The following TADA1 variants were observed in gnomAD, a reference collection of about 807,000 sequenced individuals.
TADA1 encodes the protein transcriptional adaptor 1, also known as transcriptional adapter 1.
In TADA1, 23 loss-of-function variants were observed where a neutral mutation model predicts 39.3. That is an observed-to-expected ratio of 0.58 (90% CI 0.42 to 0.83). The LOEUF is 0.83. TADA1 is among the 40% of genes least tolerant of loss of function. TADA1 has a pLI of 0.00. For synonymous variants in TADA1, 137 were observed against 151.8 expected, an observed-to-expected ratio of 0.90 and a Z score of 0.72; for missense variants, 352 against 408.1, an observed-to-expected ratio of 0.86 and a Z score of 1.18.
intron 1 of TADA1, among the ~76,000 whole-genome samples, chr1:166,874,202 G>A (rs1294294032): frequency 3.3e-5 from 5 of 151,764 alleles, no homozygotes; most frequent in African/African-American, 9.7e-5. Flanking sequence ...TTAGCCGGGC[G>A]TGGTGGCAGG....
In TADA1 at chr1:166,862,659, A is replaced by T. The variant is rs1402395515; in HGVS notation, c.331-247T>A. 3 of 535,092 alleles carry T rather than the reference A, an allele frequency of 5.6e-6. No homozygotes were observed. The African/African-American group carries it at 5.7e-5, about 10-fold the overall frequency. The allele number at this position is 535,092 out of a possible 1,614,324, so 33.1% of individuals were successfully genotyped here. ...CGTAGTAGTTTATTCTATTCAATTA[A>T]TACCTTGGTGATCACAGAATGTATG... On this transcript the variant is annotated intron_variant, in intron 4 of 7. Transcript: ENST00000367874.
chr1:166,874,756 T>G (rs777584465), intron 1 of TADA1, among the ~76,000 whole-genome samples: 1 of 152,230 alleles, frequency 6.6e-6, no homozygotes, highest in Non-Finnish European at 1.5e-5. Context: ...TACTTCGGCC[T>G]CTGCCACAGA....
intron 1 of TADA1, 117 bp from the exon 2 acceptor site, chr1:166,869,971 A>C (rs1247998445): frequency 1.3e-6 from 1 of 792,098 alleles, no homozygotes; most frequent in Non-Finnish European, 2.1e-6. Flanking sequence ...GCTGGAGTGC[A>C]GGGGAACAAT....
chr1:166,861,734 T>C (rs1658419976), intron 5 of TADA1, among the ~76,000 whole-genome samples: 1 of 152,186 alleles, frequency 6.6e-6, no homozygotes, highest in Non-Finnish European at 1.5e-5. Context: ...ACTATTTGGA[T>C]TATAATGAGT....
chr1:166,858,228 G>T lies in TADA1; in HGVS notation c.746C>A (p.Pro249His), dbSNP rs757031011. Residue 249 changes from proline (P) to histidine (H), a missense_variant, in exon 7 of 8, where the codon CCC (proline) becomes CAC (histidine). This residue lies in a region of TADA1 where 285 missense variants were observed against 310.9 expected (regional missense o/e 0.92). Transcript: ENST00000367874. ...AGCCTGCTGCTCAGCATCATCAGGG[G>T]GTGGGTGAGAAGCTGGATTCTGACC... is the stretch of plus-strand genomic sequence containing the variant. ...CAGQNPASHP[P>H]PDDAEQQAAL... 12 of 1,610,516 alleles carry T rather than the reference G, an allele frequency of 7.5e-6. No homozygotes were observed. The East Asian group carries it at 2.5e-4, about 33-fold the overall frequency.
intron 3 of TADA1, among the ~76,000 whole-genome samples, chr1:166,864,238 G>A (rs1658479017): frequency 1.3e-5 from 2 of 152,162 alleles, no homozygotes; most frequent in African/African-American, 4.8e-5. Flanking sequence ...GGTCTAAGAT[G>A]ATGAACTGAG....
At chr1:166,873,239 C>T (rs571250107) in intron 1 of TADA1, among the ~76,000 whole-genome samples, 3 of 152,234 alleles carry the variant, frequency 2.0e-5, no homozygotes, top group African/African-American at 7.2e-5. Context: ...CCACTGCACT[C>T]CAGCCTGGGT....
At chr1:166,875,010 AAT>A (rs1658732735) in intron 1 of TADA1, among the ~76,000 whole-genome samples, 1 of 152,214 alleles carries the variant, frequency 6.6e-6, no homozygotes, top group South Asian at 2.1e-4. Flanking sequence ...TCAATCCAGT[AAT>A]AATAAAGAAC....
At position 166,875,507 on chromosome 1, in the gene TADA1, T is replaced by C. The variant is rs139683716; in HGVS notation, c.74+653A>G. On this transcript the variant is annotated intron_variant, in intron 1 of 7. Coordinates refer to ENST00000367874, the MANE Select transcript of TADA1 (RefSeq NM_053053.4). ...TTGTCCGCACTAGGTCTCAGTCTTC[T>C]CATCTGTCAAATGGGAATAACAACT... Among the ~76,000 whole-genome samples the C allele has an allele frequency of 2.7e-3, 406 of 152,336 alleles. 6 individuals are homozygous for C. Among genetic ancestry groups the C allele is most frequent in the Non-Finnish European group, 1.0e-3 (70 of 68,030 alleles).
chr1:166,858,378 T>C (rs569862971), intron 6 of TADA1, 97 bp from the exon 7 acceptor site: 130 of 942,684 alleles, frequency 1.4e-4, no homozygotes, highest in Non-Finnish European at 1.7e-4. Context: ...AAATCTTTAA[T>C]TGAATTAGAA....
Position 166,858,275 on chromosome 1 carries a change from T to C in TADA1, c.699A>G (p.Pro233=). The C allele has an allele frequency of 6.5e-7, 1 of 1,546,200 alleles. No homozygotes were observed. Among genetic ancestry groups the C allele is most frequent in the Admixed American group, 2.2e-5 (1 of 45,860 alleles). Residue 233 remains proline, a synonymous_variant, in exon 7 of 8, where the codon CCA becomes CCG. Coordinates refer to ENST00000367874, the MANE Select transcript of TADA1 (RefSeq NM_053053.4). The stretch of plus-strand genomic sequence containing the variant: ...GACCAGCACAGGGAGCAGTAAAAGC[T>C]GGAGGGCTGAAAATAAAAATTTCAG... ...VAYNNLIESP[P]AFTAPCAGQN...
chr1:166,871,586 C>T (rs1658662404), intron 1 of TADA1, among the ~76,000 whole-genome samples: 2 of 152,020 alleles, frequency 1.3e-5, no homozygotes, highest in Admixed American at 6.6e-5. Context: ...TCTTAAGTGG[C>T]CCAAAACCCA....
At chr1:166,866,899 C>A in intron 3 of TADA1, among the ~76,000 whole-genome samples, 1 of 152,054 alleles carries the variant, frequency 6.6e-6, no homozygotes, top group African/African-American at 2.4e-5. Flanking sequence ...TGCCTACCAC[C>A]ATGCCTGGCT....
At chr1:166,863,775 G>T (rs763580123) in intron 4 of TADA1, 49 bp downstream of exon 4, 4 of 1,517,640 alleles carry the variant, frequency 2.6e-6, no homozygotes, top group East Asian at 4.5e-5. Context: ...GTCCCAACAT[G>T]CCACTACTTC....
intron 1 of TADA1, among the ~76,000 whole-genome samples, chr1:166,874,229 T>C (rs776983832): frequency 2.8e-4 from 43 of 151,584 alleles, no homozygotes; most frequent in Middle Eastern, 6.8e-3. Flanking sequence ...TAATCCCAGC[T>C]ACTCAGGAGG....
At chr1:166,870,253 G>A (rs1658628278) in intron 1 of TADA1, among the ~76,000 whole-genome samples, 1 of 152,168 alleles carries the variant, frequency 6.6e-6, no homozygotes, top group Non-Finnish European at 1.5e-5. Context: ...CCATTAGGGT[G>A]GGCCCTAATC....
rs769985322 is a variant in TADA1 at position 166,869,845 on chromosome 1, A to T, written c.84T>A (p.Ala28=). The T allele has an allele frequency of 6.2e-7, 1 of 1,613,972 alleles. No homozygotes were observed. Among genetic ancestry groups the T allele is most frequent in the Non-Finnish European group, 8.5e-7 (1 of 1,179,990 alleles). Residue 28 remains alanine, a synonymous_variant, in exon 2 of 8, where the codon GCT becomes GCA. Coordinates refer to ENST00000367874, the MANE Select transcript of TADA1 (RefSeq NM_053053.4). The part of the protein sequence containing the change: ...ALGDNVKQYW[A]NLKLWFKQKI... ...TCTGCTTGAACCACAGCTTTAGGTT[A>T]GCCCAGTATCTGCAGAGGCAGAAAC...
chr1:166,875,208 A>G (rs1264307898), intron 1 of TADA1, among the ~76,000 whole-genome samples: 1 of 152,212 alleles, frequency 6.6e-6, no homozygotes, highest in Non-Finnish European at 1.5e-5. Flanking sequence ...TATATTTTTG[A>G]AAAATAAAGT....
At chr1:166,865,579 C>T (rs992331983) in intron 3 of TADA1, among the ~76,000 whole-genome samples, 3 of 151,808 alleles carry the variant, frequency 2.0e-5, no homozygotes, top group Admixed American at 6.6e-5. Context: ...TTTGGGAGGC[C>T]GAGGCGGGCA....
Sources: gnomAD v4.1 joint callset for allele counts (sites outside exome capture counted in the v4.1 genomes callset) on GRCh38, gnomAD v4.1.1 for gene constraint, gnomAD v4.1.1 regional missense constraint, MANE v1.5 for transcripts, NCBI Gene and HGNC (gene_info 2026-07-23, HGNC 2026-07-21) for gene names.